The following PIP4K2A variants were observed in gnomAD, a reference collection of about 807,000 sequenced individuals.
PIP4K2A encodes the protein phosphatidylinositol 5-phosphate 4-kinase type-2 alpha.
In PIP4K2A, 14 loss-of-function variants were observed where a neutral mutation model predicts 42.9. The ratio of observed to expected loss-of-function variants is 0.33; its 90% CI spans 0.22 to 0.51. PIP4K2A has a LOEUF of 0.51. Among genes scored for constraint, PIP4K2A ranks in the 20% least tolerant of loss-of-function variants. The pLI, the probability that PIP4K2A is intolerant of heterozygous loss-of-function variation, is 0.97. For synonymous variants in PIP4K2A, 192 were observed against 192.2 expected, an observed-to-expected ratio of 1.00 and a Z score of 0.01; for missense variants, 434 against 519.8, an observed-to-expected ratio of 0.83 and a Z score of 1.61.
chr10:22,694,114 TCCTAGTACCAATCC>T (rs1839924320), intron 1 of PIP4K2A: 1 of 152,140 alleles, frequency 6.6e-6, no homozygotes, highest in South Asian at 2.1e-4. Flanking sequence ...GTCTGCAGGA[TCCTAGTACCAATCC>T]CCTGGGGATA....
chr10:22,644,954 A>G (rs1271689098), intron 1 of PIP4K2A, among the ~76,000 whole-genome samples: 2 of 152,366 alleles, frequency 1.3e-5, no homozygotes, highest in African/African-American at 2.4e-5. Flanking sequence ...TTCCCAATCC[A>G]TAAGAGTCAG....
intron 6 of PIP4K2A, among the ~76,000 whole-genome samples, chr10:22,555,099 T>G (rs937558792): frequency 3.3e-5 from 5 of 152,228 alleles, no homozygotes; most frequent in African/African-American, 1.2e-4. Context: ...CTGCTTCCCG[T>G]TCGGATAAAA....
chr10:22,656,057 C>T (rs1839094127), intron 1 of PIP4K2A, among the ~76,000 whole-genome samples: 1 of 152,210 alleles, frequency 6.6e-6, no homozygotes, highest in Non-Finnish European at 1.5e-5. Flanking sequence ...AGCATTAAGA[C>T]CTCAATGACC....
chr10:22,686,461 T>C (rs1165075994), intron 1 of PIP4K2A, among the ~76,000 whole-genome samples: 1 of 152,244 alleles, frequency 6.6e-6, no homozygotes, highest in East Asian at 1.9e-4. Flanking sequence ...GCAAGCTCTA[T>C]TTTCTTCTTA....
intron 1 of PIP4K2A, among the ~76,000 whole-genome samples, chr10:22,646,615 G>A (rs1838888618): frequency 6.6e-6 from 1 of 152,136 alleles, no homozygotes; most frequent in Admixed American, 6.5e-5. Context: ...TTGTTTAGAA[G>A]GCTAATTTGG....
intron 1 of PIP4K2A, among the ~76,000 whole-genome samples, chr10:22,651,604 T>TC (rs572596307): frequency 2.3e-3 from 350 of 152,330 alleles, no homozygotes; most frequent in Middle Eastern, 6.8e-3. Context: ...TTAGACTCTG[T>TC]CCCCTTATTA....
At chr10:22,661,536 T>A (rs1006931777) in intron 1 of PIP4K2A, among the ~76,000 whole-genome samples, 17 of 151,916 alleles carry the variant, frequency 1.1e-4, no homozygotes, top group Admixed American at 3.9e-4. Context: ...TTAAAAAAAA[T>A]TTTTTTTGTA....
chr10:22,673,826 A>C (rs969594354), intron 1 of PIP4K2A, among the ~76,000 whole-genome samples: 1 of 152,124 alleles, frequency 6.6e-6, no homozygotes. Context: ...TATTCATACC[A>C]CTATTTAATC....
chr10:22,634,722 A>AT (rs1225276335), intron 1 of PIP4K2A, among the ~76,000 whole-genome samples: 4 of 151,920 alleles, frequency 2.6e-5, no homozygotes, highest in East Asian at 1.9e-4. Context: ...GGAAGCATAC[A>AT]TTTTTTTTAA....
At chr10:22,584,865 C>T (rs904348134) in intron 4 of PIP4K2A, among the ~76,000 whole-genome samples, 12 of 152,092 alleles carry the variant, frequency 7.9e-5, no homozygotes, top group South Asian at 4.1e-4. Context: ...ATCACTCCTC[C>T]GGAAAAATGA....
chr10:22,664,332 T>G (rs939667523), intron 1 of PIP4K2A, among the ~76,000 whole-genome samples: 1 of 149,450 alleles, frequency 6.7e-6, no homozygotes, highest in South Asian at 2.1e-4. Context: ...CAGCAATGTG[T>G]AACTGTTGTT....
At chr10:22,582,557 T>C (rs1837303643) in intron 4 of PIP4K2A, among the ~76,000 whole-genome samples, 1 of 152,232 alleles carries the variant, frequency 6.6e-6, no homozygotes, top group African/African-American at 2.4e-5. Flanking sequence ...CAATTTAATA[T>C]AGCATCAAAT....
intron 7 of PIP4K2A, among the ~76,000 whole-genome samples, chr10:22,542,601 C>T (rs1887093): frequency 0.96 from 145,630 of 152,346 alleles, 69,644 homozygotes; most frequent in East Asian, 1. Context: ...GTGCTTTCCA[C>T]GTGTGCTTTC....
chr10:22,535,114 CAAAAAT>C lies in PIP4K2A; in HGVS notation c.*2081_*2086del, dbSNP rs1835887090. ...TAAATGACAGACTGTTTGTTATAGA[CAAAAAT>C]AAAAGCATTCTGTAAACTTCTAAAA... On this transcript the variant is annotated 3_prime_UTR_variant, in exon 10 of 10. Transcript: ENST00000376573. The C allele has an allele frequency of 6.6e-6, 1 of 152,152 alleles. No individual in the cohort carries two copies. The highest frequency in any genetic ancestry group is 1.9e-4 in the East Asian group (1 of 5,198). 9.4% of individuals were successfully genotyped at this position (152,152 alleles called of 1,614,324 possible). A position where few individuals can be genotyped will look rare whatever the true frequency, so the allele number is the denominator to read the frequency against.
chr10:22,705,281 T>A (rs1833796968), intron 1 of PIP4K2A, among the ~76,000 whole-genome samples: 1 of 152,028 alleles, frequency 6.6e-6, no homozygotes, highest in South Asian at 2.1e-4. Context: ...CTGGCAAACA[T>A]CAACCACTTG....
intron 1 of PIP4K2A, among the ~76,000 whole-genome samples, chr10:22,705,057 T>C (rs1833792249): frequency 6.6e-6 from 1 of 151,822 alleles, no homozygotes; most frequent in Non-Finnish European, 1.5e-5. Flanking sequence ...ATTTGTTCAA[T>C]GCTTTCTAAA....
intron 1 of PIP4K2A, among the ~76,000 whole-genome samples, chr10:22,697,477 A>C (rs774091575): frequency 1.3e-5 from 2 of 152,204 alleles, no homozygotes; most frequent in African/African-American, 2.4e-5. Context: ...AAACTTTAGG[A>C]GGCCGAGGCA....
intron 1 of PIP4K2A, among the ~76,000 whole-genome samples, chr10:22,688,639 G>C (rs1318919933): frequency 6.6e-6 from 1 of 151,994 alleles, no homozygotes; most frequent in African/African-American, 2.4e-5. Context: ...TTTTCATAGA[G>C]ATGGGGTCCT....
chr10:22,683,340 T>G (rs1839699586), intron 1 of PIP4K2A, among the ~76,000 whole-genome samples: 1 of 152,100 alleles, frequency 6.6e-6, no homozygotes, highest in Non-Finnish European at 1.5e-5. Flanking sequence ...ATCCTAAGTC[T>G]TCCATGCTGT....
Sources: allele counts gnomAD v4.1 joint callset (sites outside exome capture counted in the v4.1 genomes callset), GRCh38; gene constraint gnomAD v4.1.1; transcripts MANE v1.5; gene names NCBI Gene and HGNC (gene_info 2026-07-23, HGNC 2026-07-21).